The following PIEZO2 variants were observed in gnomAD, a reference collection of about 807,000 sequenced individuals.
PIEZO2 encodes piezo type mechanosensitive ion channel component 2, also known as piezo-type mechanosensitive ion channel component 2.
PIEZO2 carries 172 observed loss-of-function variants against 337.3 expected under a neutral mutation model. The ratio of observed to expected loss-of-function variants is 0.51; its 90% CI spans 0.45 to 0.58. The LOEUF is 0.58. Among genes scored for constraint, PIEZO2 ranks in the 20% least tolerant of loss-of-function variants. The pLI is 0.00. For synonymous variants in PIEZO2, 1,251 were observed against 1,228.5 expected (o/e 1.02, Z -0.38); for missense variants, 3,028 against 3,391.3 (o/e 0.89, Z 2.66).
chr18:11,065,514 C>T (rs1255666919), intron 2 of PIEZO2, among the ~76,000 whole-genome samples: 1 of 152,206 alleles, frequency 6.6e-6, no homozygotes, highest in Non-Finnish European at 1.5e-5. Context: ...ATTATAGTCA[C>T]CACTTTATAT....
Position 10,784,778 on chromosome 18 carries a change from G to T in PIEZO2, c.2492+6C>A. 1 of 1,528,676 alleles carries T rather than the reference G, an allele frequency of 6.5e-7. No homozygotes were observed. The highest frequency in any genetic ancestry group is 8.8e-7 in the Non-Finnish European group (1 of 1,141,448). 94.7% of individuals were successfully genotyped at this position (1,528,676 alleles called of 1,614,324 possible). A position where few individuals can be genotyped will look rare whatever the true frequency, so the allele number is the denominator to read the frequency against. Reference sequence around the variant, plus strand: ...TAAGAGGTCTGTGTTTCTTCCAGTGGCTCACCTGTAGATGGTGTTGTCTTC... The same window carrying T: ...TAAGAGGTCTGTGTTTCTTCCAGTGTCTCACCTGTAGATGGTGTTGTCTTC... On this transcript the variant is annotated splice_donor_region_variant and intron_variant, in intron 17 of 55. Coordinates refer to ENST00000674853, the MANE Select transcript of PIEZO2 (RefSeq NM_001378183.1). This position sits in a 1 kb window ranked among gnomAD's most constrained non-coding sequence, Gnocchi z 4.5.
At chr18:10,938,293 G>A (rs1379950489) in intron 3 of PIEZO2, among the ~76,000 whole-genome samples, 2 of 152,222 alleles carry the variant, frequency 1.3e-5, no homozygotes, top group Non-Finnish European at 2.9e-5. Context: ...AAATAATTGT[G>A]TGAAGAGTAC....
At chr18:10,804,998 G>T (rs963064013) in intron 8 of PIEZO2, among the ~76,000 whole-genome samples, 46 of 152,124 alleles carry the variant, frequency 3.0e-4, no homozygotes, top group African/African-American at 1.1e-3. Context: ...GTGGCCTATA[G>T]CCTAGAAGGT....
intron 2 of PIEZO2, among the ~76,000 whole-genome samples, chr18:11,043,245 A>T (rs2584753): frequency 2.3e-4 from 10 of 42,712 alleles, no homozygotes; most frequent in African/African-American, 7.8e-4. Flanking sequence ...CTTTAAACGC[A>T]CACACACACA....
intron 7 of PIEZO2, among the ~76,000 whole-genome samples, chr18:10,818,861 G>T (rs1378726854): frequency 4.6e-5 from 7 of 152,116 alleles, no homozygotes; most frequent in South Asian, 4.1e-4. Context: ...TCATTTCATA[G>T]TCTCATTTTC....
intron 1 of PIEZO2, among the ~76,000 whole-genome samples, chr18:11,075,441 T>A (rs749267415): frequency 2.0e-4 from 30 of 152,242 alleles, no homozygotes; most frequent in Non-Finnish European, 3.5e-4. Context: ...TGTAGAATTC[T>A]TTCCCCCATT....
At chr18:10,851,525 A>G (rs141106706) in intron 7 of PIEZO2, among the ~76,000 whole-genome samples, 69 of 152,318 alleles carry the variant, frequency 4.5e-4, no homozygotes, top group African/African-American at 1.6e-3. Context: ...ATGAAGAGCA[A>G]ATATGATGTT....
intron 1 of PIEZO2, among the ~76,000 whole-genome samples, chr18:11,108,504 C>T (rs1219567927): frequency 3.3e-5 from 5 of 151,390 alleles, no homozygotes; most frequent in African/African-American, 7.3e-5. Context: ...GTCCCAGCTA[C>T]TCAGGAGGCT....
At chr18:10,961,612 G>T (rs1018497638) in intron 3 of PIEZO2, among the ~76,000 whole-genome samples, 11 of 152,048 alleles carry the variant, frequency 7.2e-5, no homozygotes, top group Non-Finnish European at 1.3e-4. Context: ...ATTTCAAAAA[G>T]AGTCAGCTTG....
At chr18:10,974,170 T>C (rs2034347881) in intron 3 of PIEZO2, among the ~76,000 whole-genome samples, 2 of 152,190 alleles carry the variant, frequency 1.3e-5, no homozygotes, top group Non-Finnish European at 2.9e-5. Flanking sequence ...TCAGTCTTCT[T>C]GTCGTAGGCC....
At position 10,703,049 on chromosome 18, in the gene PIEZO2, G is replaced by A. The variant is rs559980275; in HGVS notation, c.6259-878C>T. Reference sequence around the variant, plus strand: ...TTTATTTTTTTGTAGAAATGGGGTCGTGCTATGTTGCCCAGGCTTGTCTTG... The same window carrying A: ...TTTATTTTTTTGTAGAAATGGGGTCATGCTATGTTGCCCAGGCTTGTCTTG... On this transcript the variant is annotated intron_variant, in intron 42 of 55. Transcript: ENST00000674853. 3.9e-5 allele frequency among the ~76,000 whole-genome samples: 6 copies of A among 152,084 alleles called. No individual in the cohort carries two copies. In the East Asian group the frequency reaches 7.7e-4, roughly 20 times the overall value.
intron 16 of PIEZO2, among the ~76,000 whole-genome samples, chr18:10,785,366 A>G (rs2039181652): frequency 6.6e-6 from 1 of 152,166 alleles, no homozygotes; most frequent in Non-Finnish European, 1.5e-5. Context: ...CCCCTAGGGA[A>G]ATCCTCTTCT....
At chr18:10,869,911 T>C (rs909584635) in intron 5 of PIEZO2, among the ~76,000 whole-genome samples, 1 of 148,134 alleles carries the variant, frequency 6.8e-6, no homozygotes, top group Non-Finnish European at 1.5e-5. Flanking sequence ...AGTCTCGCTC[T>C]GTCACCCAGA....
chr18:10,900,009 C>T (rs1401460567), intron 4 of PIEZO2, among the ~76,000 whole-genome samples: 2 of 152,010 alleles, frequency 1.3e-5, no homozygotes, highest in Non-Finnish European at 2.9e-5. Flanking sequence ...AAGAAGTTTT[C>T]GTGAAGGATT....
intron 3 of PIEZO2, among the ~76,000 whole-genome samples, chr18:10,960,725 C>T (rs1598748095): frequency 6.6e-6 from 1 of 152,166 alleles, no homozygotes; most frequent in African/African-American, 2.4e-5. Flanking sequence ...TCTTTTAAAA[C>T]GAGCGTTGGC....
At position 11,127,211 on chromosome 18, in the gene PIEZO2, C is replaced by T. The variant is rs115002434; in HGVS notation, c.64+21314G>A. 0.014 allele frequency among the ~76,000 whole-genome samples: 2,118 copies of T among 152,158 alleles called. 36 individuals are homozygous for T. The highest frequency in any genetic ancestry group is 0.042 in the African/African-American group (1,764 of 41,518). On this transcript the variant is annotated intron_variant, in intron 1 of 55. Coordinates refer to ENST00000674853, the MANE Select transcript of PIEZO2 (RefSeq NM_001378183.1). This position sits in a 1 kb window ranked among gnomAD's most constrained non-coding sequence, Gnocchi z 4.5. ...TGTTTGAGGGGTGCGGAAAGAGGTCCCTGAGGAGGTGACATTTAGGCTGAG... is the reference window on the plus strand; with the variant it reads ...TGTTTGAGGGGTGCGGAAAGAGGTCTCTGAGGAGGTGACATTTAGGCTGAG...
intron 2 of PIEZO2, among the ~76,000 whole-genome samples, chr18:10,989,744 GC>G (rs1302626707): frequency 6.6e-6 from 1 of 152,084 alleles, no homozygotes; most frequent in African/African-American, 2.4e-5. Flanking sequence ...ATACAGGGAA[GC>G]TAAAGCTATT....
intron 2 of PIEZO2, among the ~76,000 whole-genome samples, chr18:11,059,837 A>G (rs1164464768): frequency 6.6e-6 from 1 of 152,202 alleles, no homozygotes; most frequent in Non-Finnish European, 1.5e-5. Context: ...TGTCAACATT[A>G]GACAGATCAA....
chr18:10,820,535 C>G lies in PIEZO2; in HGVS notation c.918-13261G>C, dbSNP rs1393355493. On this transcript the variant is annotated intron_variant, in intron 7 of 55. Coordinates refer to ENST00000674853, the MANE Select transcript of PIEZO2 (RefSeq NM_001378183.1). ...TTTGTTCTTTTTGTCCATCAATTCT[C>G]TTTTATAAATTCCATTCCTGTTTTC... 4.6e-5 allele frequency among the ~76,000 whole-genome samples: 7 copies of G among 152,058 alleles called. No homozygotes were observed. In the South Asian group the frequency reaches 1.4e-3, roughly 31 times the overall value.
Sources: gnomAD v4.1 joint callset for allele counts (sites outside exome capture counted in the v4.1 genomes callset) on GRCh38, gnomAD v4.1.1 for gene constraint, Gnocchi (gnomAD v3.1) non-coding constraint, MANE v1.5 for transcripts, NCBI Gene and HGNC (gene_info 2026-07-23, HGNC 2026-07-21) for gene names.